STXBP4: variants seen among roughly 807,000 people sequenced by gnomAD.
STXBP4 encodes the protein syntaxin-binding protein 4.
Under a neutral mutation model 76.1 loss-of-function variants are expected in STXBP4, and 55 were observed. The observed-to-expected ratio is 0.72, with a 90% CI of 0.58 to 0.91. The LOEUF (loss-of-function observed/expected upper bound fraction) is 0.91, where lower values mean the gene tolerates loss of function less well. Ranked by LOEUF, STXBP4 falls within the 40% of genes least tolerant of loss-of-function variation. The pLI is 0.00. For missense variants in STXBP4, 618 were observed against 636.9 expected (o/e 0.97, Z 0.32); for synonymous variants, 201 against 220.2 (o/e 0.91, Z 0.77).
At chr17:55,099,626 A>T (rs1004107808) in intron 16 of STXBP4, among the ~76,000 whole-genome samples, 2 of 152,228 alleles carry the variant, frequency 1.3e-5, no homozygotes, top group African/African-American at 4.8e-5. Context: ...AAACATGGTT[A>T]TACAGTGCAT....
intron 8 of STXBP4, among the ~76,000 whole-genome samples, chr17:55,013,363 T>A (rs1189620844): frequency 6.6e-6 from 1 of 152,252 alleles, no homozygotes; most frequent in East Asian, 1.9e-4. Context: ...GGTATCCATC[T>A]TACTAAATGG....
At chr17:55,142,460 T>C (rs936898329) in intron 17 of STXBP4, among the ~76,000 whole-genome samples, 2 of 152,196 alleles carry the variant, frequency 1.3e-5, no homozygotes, top group Non-Finnish European at 2.9e-5. Context: ...GCCCCGCAAC[T>C]TTACACAGTT....
chr17:54,975,565 G>C (rs2077462090), intron 1 of STXBP4, among the ~76,000 whole-genome samples: 1 of 152,184 alleles, frequency 6.6e-6, no homozygotes, highest in Non-Finnish European at 1.5e-5. Context: ...AAGTACAAAA[G>C]TGGAGAGCCT....
the STXBP4 span, among the ~76,000 whole-genome samples, chr17:55,193,115 A>G: frequency 5.5e-4 from 84 of 152,296 alleles, 1 homozygote; most frequent in South Asian, 0.017. Flanking sequence ...TTCTGAGCTG[A>G]TATTTGCAGA....
chr17:55,109,136 A>AT, intron 16 of STXBP4, among the ~76,000 whole-genome samples: 1 of 152,176 alleles, frequency 6.6e-6, no homozygotes. Context: ...TGAAACCTTC[A>AT]TTTTTTAAAA....
chr17:55,078,770 G>A, intron 15 of STXBP4, 35 bp downstream of exon 15: 1 of 1,169,132 alleles, frequency 8.6e-7, no homozygotes, highest in Non-Finnish European at 1.3e-6. Flanking sequence ...CAGAATATGG[G>A]TAGTGATTAA....
intron 8 of STXBP4, among the ~76,000 whole-genome samples, chr17:55,020,133 C>T (rs975714938): frequency 6.6e-6 from 1 of 152,092 alleles, no homozygotes; most frequent in Admixed American, 6.6e-5. Flanking sequence ...ATCTGTTACC[C>T]GTTCAATTAC....
In STXBP4 at chr17:55,001,544, A is replaced by G. The variant is rs555755220; in HGVS notation, c.574+661A>G. On this transcript the variant is annotated intron_variant, in intron 7 of 17. Coordinates refer to ENST00000376352, the MANE Select transcript of STXBP4 (RefSeq NM_178509.6). ...CACAACAATGATAAAAAGACTAAAC[A>G]TAACTGAAAAACTAATTATATATGC... Among the ~76,000 whole-genome samples, 46 of 152,288 alleles carry G rather than the reference A, an allele frequency of 3.0e-4. 1 individual carries two copies. Among genetic ancestry groups the G allele is most frequent in the Middle Eastern group, 6.8e-3 (2 of 294 alleles).
At chr17:55,050,731 G>A (rs754877374) in intron 12 of STXBP4, among the ~76,000 whole-genome samples, 23 of 152,114 alleles carry the variant, frequency 1.5e-4, no homozygotes, top group Admixed American at 5.2e-4. Flanking sequence ...GCAGGGACAC[G>A]ATCTCAGCTC....
At chr17:55,033,581 G>C (rs2078548513) in intron 9 of STXBP4, among the ~76,000 whole-genome samples, 1 of 152,120 alleles carries the variant, frequency 6.6e-6, no homozygotes, top group African/African-American at 2.4e-5. Flanking sequence ...ACATAGATGA[G>C]TAAGTTACTC....
intron 16 of STXBP4, among the ~76,000 whole-genome samples, chr17:55,115,203 AG>A (rs1199978897): frequency 6.6e-6 from 1 of 151,860 alleles, no homozygotes; most frequent in Admixed American, 6.6e-5. Context: ...AGACCACTGT[AG>A]GTTTTTCTAA....
chr17:54,986,869 A>G (rs985600517), intron 3 of STXBP4, among the ~76,000 whole-genome samples: 6 of 152,182 alleles, frequency 3.9e-5, no homozygotes, highest in African/African-American at 1.2e-4. Context: ...TCTATACCAG[A>G]TAATGTAGGA....
At chr17:55,157,110 C>T (rs967227742) in intron 17 of STXBP4, among the ~76,000 whole-genome samples, 1 of 152,198 alleles carries the variant, frequency 6.6e-6, no homozygotes, top group Non-Finnish European at 1.5e-5. Context: ...GTTTTTCTTC[C>T]TTCCCATCTC....
Position 55,159,925 on chromosome 17 carries a change from G to T in STXBP4, c.*14G>T, listed in dbSNP as rs890472773. 6.5e-7 allele frequency: 1 copy of T among 1,529,562 alleles called. No homozygotes were observed. The highest frequency in any genetic ancestry group is 1.7e-5 in the Admixed American group (1 of 59,732). The allele number at this position is 1,529,562 out of a possible 1,614,324, so 94.7% of individuals were successfully genotyped here. A position where few individuals can be genotyped will look rare whatever the true frequency, so the allele number is the denominator to read the frequency against. ...CAGAAAAGTTGATGGTTTTCCTTAGGAAGTGGAGCTACATGGATGATGTGA... is the reference window on the plus strand; with the variant it reads ...CAGAAAAGTTGATGGTTTTCCTTAGTAAGTGGAGCTACATGGATGATGTGA... On this transcript the variant is annotated 3_prime_UTR_variant, in exon 18 of 18. Coordinates refer to ENST00000376352, the MANE Select transcript of STXBP4 (RefSeq NM_178509.6).
chr17:55,020,887 T>C (rs2078298499), intron 8 of STXBP4, among the ~76,000 whole-genome samples: 1 of 152,210 alleles, frequency 6.6e-6, no homozygotes, highest in Non-Finnish European at 1.5e-5. Context: ...CTTTGCGAAT[T>C]TTGAAGCTAA....
At chr17:55,199,822 C>T in the STXBP4 span, among the ~76,000 whole-genome samples, 1 of 152,188 alleles carries the variant, frequency 6.6e-6, no homozygotes, top group Non-Finnish European at 1.5e-5. Flanking sequence ...ATGATCTAAG[C>T]TCTAGCTGTC....
intron 8 of STXBP4, among the ~76,000 whole-genome samples, chr17:55,018,740 C>A (rs944007317): frequency 3.9e-5 from 6 of 151,986 alleles, no homozygotes; most frequent in Non-Finnish European, 7.4e-5. Context: ...AAAATACATT[C>A]TCAAGGATGG....
At chr17:55,066,721 A>G (rs2079055755) in intron 12 of STXBP4, among the ~76,000 whole-genome samples, 2 of 152,144 alleles carry the variant, frequency 1.3e-5, no homozygotes, top group Admixed American at 1.3e-4. Flanking sequence ...TAAAAAGAAT[A>G]TAATGCAGCC....
At chr17:54,972,158 T>C (rs1422469634) in intron 1 of STXBP4, among the ~76,000 whole-genome samples, 1 of 152,242 alleles carries the variant, frequency 6.6e-6, no homozygotes, top group East Asian at 1.9e-4. Context: ...GCCAGGTTTC[T>C]CTGTTACAAG....
Sources: allele counts gnomAD v4.1 joint callset (sites outside exome capture counted in the v4.1 genomes callset), GRCh38; gene constraint gnomAD v4.1.1; transcripts MANE v1.5; gene names NCBI Gene and HGNC (gene_info 2026-07-23, HGNC 2026-07-21).